The following DYSF variants were observed in gnomAD, a reference collection of about 807,000 sequenced individuals.
DYSF encodes dystrophy-associated fer-1-like 1.
Under a neutral mutation model 274.9 loss-of-function variants are expected in DYSF, and 212 were observed. That is an observed-to-expected ratio of 0.77 (90% confidence interval 0.69 to 0.86). DYSF has a LOEUF of 0.86. Among genes scored for constraint, DYSF ranks in the 40% least tolerant of loss-of-function variants. The pLI is 0.00. For missense variants in DYSF, 2,666 were observed against 2,783.2 expected, an observed-to-expected ratio of 0.96 and a Z score of 0.95; for synonymous variants, 1,091 against 1,078.7, an observed-to-expected ratio of 1.01 and a Z score of -0.22.
At chr2:71,553,753 TC>T in intron 20 of DYSF, 53 bp from the exon 21 acceptor site, 7 of 567,510 alleles carry the variant, frequency 1.2e-5, no homozygotes, top group Non-Finnish European at 2.1e-5. Context: ...TAGCACCCCA[TC>T]CCACCCGCCC....
chr2:71,478,067 T>C (rs778275095), intron 1 of DYSF, among the ~76,000 whole-genome samples: 20 of 151,520 alleles, frequency 1.3e-4, no homozygotes, highest in Non-Finnish European at 1.3e-4. Context: ...TTGCTATATA[T>C]GTGTCACTTA....
At chr2:71,680,861 G>T (rs545308003) in intron 53 of DYSF, 140 bp from the exon 54 acceptor site, 1 of 721,872 alleles carries the variant, frequency 1.4e-6, no homozygotes, top group Non-Finnish European at 2.4e-6. Context: ...CAAAGAGCAG[G>T]TGCTGCTTTT....
intron 12 of DYSF, 84 bp downstream of exon 12, chr2:71,520,988 A>ATT: frequency 3.6e-6 from 4 of 1,109,390 alleles, no homozygotes; most frequent in Non-Finnish European, 5.3e-6. Flanking sequence ...CAAAAACTCT[A>ATT]TTTTTTTTTC....
Position 71,657,091 on chromosome 2 carries a change from G to T in DYSF, c.4755+801G>T, listed in dbSNP as rs183684829. On this transcript the variant is annotated intron_variant, in intron 43 of 55. Transcript: ENST00000410020. Reference sequence around the variant, plus strand: ...ATGAGCCTGTAATATCAAAAGTAAGGTAGTTACTTCCTAGATACAATGGGG... The same window carrying T: ...ATGAGCCTGTAATATCAAAAGTAAGTTAGTTACTTCCTAGATACAATGGGG... Among the ~76,000 whole-genome samples the T allele has an allele frequency of 2.0e-5, 3 of 152,264 alleles. No individual in the cohort carries two copies. In the East Asian group the frequency reaches 5.8e-4, roughly 29 times the overall value.
chr2:71,676,369 T>C (rs1249354579), intron 52 of DYSF, among the ~76,000 whole-genome samples: 1 of 152,216 alleles, frequency 6.6e-6, no homozygotes, highest in Non-Finnish European at 1.5e-5. Context: ...TTTGCATTTT[T>C]TATTGCATTT....
chr2:71,613,214 T>G, intron 39 of DYSF, 120 bp from the exon 40 acceptor site: 2 of 851,250 alleles, frequency 2.3e-6, no homozygotes, highest in Non-Finnish European at 3.9e-6. Context: ...AGATACCGAC[T>G]GAGAAATGTG....
intron 6 of DYSF, 144 bp from the exon 7 acceptor site, chr2:71,513,572 T>C: frequency 1.1e-6 from 1 of 899,860 alleles, no homozygotes. Context: ...GGCTCACTGA[T>C]GGGGAGGGAG....
intron 30 of DYSF, among the ~76,000 whole-genome samples, chr2:71,585,816 G>T (rs1013285231): frequency 5.3e-5 from 8 of 152,156 alleles, no homozygotes; most frequent in Non-Finnish European, 8.8e-5. Flanking sequence ...GCAGATGGGT[G>T]CTCGCAATGT....
upstream of DYSF, among the ~76,000 whole-genome samples, chr2:71,464,813 T>C (rs911587832): frequency 6.6e-6 from 1 of 152,078 alleles, no homozygotes; most frequent in Non-Finnish European, 1.5e-5. Flanking sequence ...AGGAGACGCA[T>C]TGGGAGTCCA....
intron 17 of DYSF, among the ~76,000 whole-genome samples, chr2:71,541,929 C>T (rs1408434401): frequency 6.6e-6 from 1 of 152,122 alleles, no homozygotes; most frequent in Non-Finnish European, 1.5e-5. Flanking sequence ...TGGTACAGGA[C>T]ACTTTCCATT....
intron 14 of DYSF, 38 bp downstream of exon 14, chr2:71,528,439 G>GCACCA: frequency 6.4e-7 from 1 of 1,552,740 alleles, no homozygotes; most frequent in Non-Finnish European, 8.9e-7. Flanking sequence ...TCTCGGGAGG[G>GCACCA]GACTTTCTGG....
At chr2:71,566,319 G>A (rs945661582) in intron 24 of DYSF, among the ~76,000 whole-genome samples, 8 of 103,268 alleles carry the variant, frequency 7.7e-5, no homozygotes, top group African/African-American at 3.2e-4. Flanking sequence ...TAGCCTCAGG[G>A]AAATGCAAAC....
At chr2:71,490,327 C>A (rs1264161388) in intron 3 of DYSF, among the ~76,000 whole-genome samples, 1 of 152,180 alleles carries the variant, frequency 6.6e-6, no homozygotes, top group Non-Finnish European at 1.5e-5. Context: ...CCATTGTTAA[C>A]GATTTGGTGC....
Position 71,513,932 on chromosome 2 carries a change from G to C in DYSF, c.759+11G>C. The C allele has an allele frequency of 6.2e-7, 1 of 1,614,142 alleles. No individual in the cohort carries two copies. The highest frequency in any genetic ancestry group is 8.5e-7 in the Non-Finnish European group (1 of 1,180,004). On this transcript the variant is annotated intron_variant, in intron 7 of 55. Transcript: ENST00000410020. ...CCGCAGGATTTCCAGGTGATGAACG[G>C]GCTTTCTCTGACCCCAGGCTCCTCT...
intron 29 of DYSF, 49 bp from the exon 30 acceptor site, chr2:71,574,149 C>T (rs369319630): frequency 1.2e-6 from 2 of 1,601,206 alleles, no homozygotes; most frequent in Non-Finnish European, 1.7e-6. Flanking sequence ...GCACAGAACT[C>T]CCCCCAGCCT....
At chr2:71,550,936 G>A (rs553170520) in intron 17 of DYSF, 105 bp from the exon 18 acceptor site, 29 of 903,202 alleles carry the variant, frequency 3.2e-5, no homozygotes, top group Middle Eastern at 2.3e-4. Context: ...GTGCATGTGG[G>A]GGGGAACTGA....
chr2:71,596,694 C>G (rs1448191119), intron 32 of DYSF, among the ~76,000 whole-genome samples: 2 of 152,170 alleles, frequency 1.3e-5, no homozygotes, highest in Admixed American at 6.5e-5. Context: ...GGCTCCTTCC[C>G]CTGCCAAGGG....
In DYSF at chr2:71,601,540, TC is replaced by T; in HGVS notation, c.3927+13del. 6.2e-7 allele frequency: 1 copy of T among 1,614,196 alleles called. No individual in the cohort carries two copies. Among genetic ancestry groups the T allele is most frequent in the Non-Finnish European group, 8.5e-7 (1 of 1,180,028 alleles). ...TTCCTGGTTTTGAGGTAAGTCTTGC[TC>T]TGACCTTTCCTTCTTCAAACTGATT... On this transcript the variant is annotated intron_variant, in intron 35 of 55. Transcript: ENST00000410020.
Position 71,511,873 on chromosome 2 carries a change from A to G in DYSF, c.412A>G (p.Thr138Ala). The change falls in exon 5 of 56, where the codon ACT becomes GCT. Residue 138 changes from threonine (T) to alanine (A), a missense_variant. Coordinates refer to ENST00000410020, the MANE Select transcript of DYSF (RefSeq NM_001130987.2). ...AGCTGTGCCCCTGTTCCCGCCCCCTACTCCTCTGGAGCCCTCCCCGACTCT... is the reference window on the plus strand; with the variant it reads ...AGCTGTGCCCCTGTTCCCGCCCCCTGCTCCTCTGGAGCCCTCCCCGACTCT... ...PGAVPLFPPP[T>A]PLEPSPTLPD... The G allele has an allele frequency of 1.3e-6, 2 of 1,550,728 alleles. No individual in the cohort carries two copies. The highest frequency in any genetic ancestry group is 2.4e-5 in the South Asian group (2 of 83,976).
Sources: gnomAD v4.1 joint callset for allele counts (sites outside exome capture counted in the v4.1 genomes callset) on GRCh38, gnomAD v4.1.1 for gene constraint, MANE v1.5 for transcripts, NCBI Gene and HGNC (gene_info 2026-07-23, HGNC 2026-07-21) for gene names.